Variants in MYH8 observed in about 807,000 individuals in gnomAD.
MYH8 encodes myosin heavy chain 8.
A neutral mutation model predicts 233.2 loss-of-function variants in MYH8; 168 were observed. That is an observed-to-expected ratio of 0.72 (90% CI 0.64 to 0.82). The LOEUF is 0.82. Ranked by LOEUF, MYH8 falls within the 40% of genes least tolerant of loss-of-function variation. The pLI, the probability that MYH8 is intolerant of heterozygous loss-of-function variation, is 0.00. For missense variants in MYH8, 1,995 were observed against 2,327.8 expected, an observed-to-expected ratio of 0.86 and a Z score of 2.94; for synonymous variants, 785 against 850.6, an observed-to-expected ratio of 0.92 and a Z score of 1.34.
chr17:10,402,533 G>A (rs1399736883), intron 22 of MYH8, among the ~76,000 whole-genome samples: 6 of 151,866 alleles, frequency 4.0e-5, no homozygotes, highest in Admixed American at 6.6e-5. Flanking sequence ...ACAATAAATT[G>A]CCATATACCA....
intron 38 of MYH8, 56 bp from the exon 39 acceptor site, chr17:10,392,033 G>A (rs2072030453): frequency 1.4e-6 from 2 of 1,435,226 alleles, no homozygotes; most frequent in Admixed American, 3.3e-5. Flanking sequence ...GGCTACTCTG[G>A]GTACTAAAAT....
At position 10,396,396 on chromosome 17, in the gene MYH8, C is replaced by T; in HGVS notation, c.4587G>A (p.Leu1529=). The change falls in exon 33 of 40, where the codon TTG becomes TTA. Residue 1529 remains leucine, a synonymous_variant. Transcript: ENST00000403437. This position sits in a 1 kb window ranked among gnomAD's most constrained non-coding sequence, Gnocchi z 4.2. The part of the protein sequence containing the change: ...IAEGGKQIHE[L]EKIKKQVEQE... ...GTTCTACTTGCTTCTTTATTTTCTC[C>T]AATTCATGAATTTGCTTTCCTCCCT... 6.2e-7 allele frequency: 1 copy of T among 1,613,998 alleles called. No individual in the cohort carries two copies. Among genetic ancestry groups the T allele is most frequent in the Non-Finnish European group, 8.5e-7 (1 of 1,179,992 alleles).
chr17:10,401,389 C>T lies in MYH8; in HGVS notation c.2994G>A (p.Glu998=), dbSNP rs773455198. 5 of 1,614,032 alleles carry T rather than the reference C, an allele frequency of 3.1e-6. No individual in the cohort carries two copies. The Admixed American group carries it at 5.0e-5, about 16-fold the overall frequency. ...LDETIAKLSK[E]KKALQETHQQ... ...GGTGGGTCTCTTGGAGAGCCTTCTT[C>T]TCCTTGGACAGTTTTGCAATGGTTT... is the stretch of plus-strand genomic sequence containing the variant. Residue 998 remains glutamate (E), a synonymous_variant, in exon 24 of 40, where the codon GAG becomes GAA. Transcript: ENST00000403437.
rs759575082 is a variant in MYH8 at position 10,404,385 on chromosome 17, T to C, written c.2633A>G (p.Glu878Gly). The change falls in exon 22 of 40, where the codon GAA (glutamate) becomes GGA (glycine). Residue 878 changes from glutamate (E) to glycine (G), a missense_variant. Transcript: ENST00000403437. ...CTCTTTTAAGAGAGTGACCATTTTT[T>C]CCTCTAGCTCCTTCCGTTTTGCCTC... ...KSEAKRKELE[E>G]KMVTLLKEKN... 2 of 1,614,036 alleles carry C rather than the reference T, an allele frequency of 1.2e-6. No homozygotes were observed. The highest frequency in any genetic ancestry group is 1.3e-5 in the African/African-American group (1 of 75,006).
rs1474219127 is a variant in MYH8 at position 10,408,461 on chromosome 17, A to G, written c.1965+636T>C. 3.3e-5 allele frequency among the ~76,000 whole-genome samples: 5 copies of G among 152,332 alleles called. No individual in the cohort carries two copies. In the South Asian group the frequency reaches 1.0e-3, roughly 32 times the overall value. On this transcript the variant is annotated intron_variant, in intron 17 of 39. Transcript: ENST00000403437. ...GTCGTGTCTGTATTTTAGTTTTATA[A>G]GGAATGAGACTTAGCCATACACATT...
rs2142190597 is a variant in MYH8 at position 10,417,006 on chromosome 17, G to T, written c.512-1298C>A. ...TTTTCTAATATTAAGTACATAGCTA[G>T]TTAAGGTCAAATATATCCTCCTGGC... On this transcript the variant is annotated intron_variant, in intron 5 of 39. Transcript: ENST00000403437. This position sits in a 1 kb window ranked among gnomAD's most constrained non-coding sequence, Gnocchi z 4.1. Among the ~76,000 whole-genome samples the T allele has an allele frequency of 6.6e-6, 1 of 152,300 alleles. No individual in the cohort carries two copies. The highest frequency in any genetic ancestry group is 1.5e-5 in the Non-Finnish European group (1 of 68,012).
chr17:10,414,090 A>G, intron 11 of MYH8, 50 bp from the exon 12 acceptor site: 1 of 1,612,256 alleles, frequency 6.2e-7, no homozygotes, highest in Non-Finnish European at 8.5e-7. Context: ...AGACTAACTT[A>G]TAAGAGAATT....
At chr17:10,413,758 G>A in intron 12 of MYH8, 144 bp downstream of exon 12, 1 of 1,196,992 alleles carries the variant, frequency 8.4e-7, no homozygotes. Flanking sequence ...AAGAGAGGGG[G>A]TGAGGAAAGC....
At chr17:10,409,070 A>G (rs752442828) in intron 17 of MYH8, 27 bp downstream of exon 17, 8 of 1,596,380 alleles carry the variant, frequency 5.0e-6, no homozygotes, top group Non-Finnish European at 6.9e-6. Context: ...AACTGAGTAG[A>G]TATTTCAAAT....
Position 10,401,382 on chromosome 17 carries a change from C to T in MYH8, c.3001G>A (p.Ala1001Thr). 1 of 1,613,980 alleles carries T rather than the reference C, an allele frequency of 6.2e-7. No individual in the cohort carries two copies. The highest frequency in any genetic ancestry group is 8.5e-7 in the Non-Finnish European group (1 of 1,180,016). ...TIAKLSKEKK[A>T]LQETHQQTLD... ...GTCTGCTGGTGGGTCTCTTGGAGAG[C>T]CTTCTTCTCCTTGGACAGTTTTGCA... Residue 1001 changes from alanine (A) to threonine (T), a missense_variant, in exon 24 of 40, where the codon GCT becomes ACT. Transcript: ENST00000403437.
In MYH8 at chr17:10,409,526, G is replaced by A. The variant is rs61730801; in HGVS notation, c.1650C>T (p.Ser550=). The change falls in exon 16 of 40, where the codon TCC becomes TCT. Residue 550 remains serine, a synonymous_variant. Coordinates refer to ENST00000403437, the MANE Select transcript of MYH8 (RefSeq NM_002472.3). ...ECMFPKATDT[S]FKNKLYDQHL... is the part of the protein sequence containing the mutation. ...GCTGGTCATACAGCTTGTTCTTGAAGGAGGTGTCCGTTGCCTTAGGGAACA... is the reference window on the plus strand; with the variant it reads ...GCTGGTCATACAGCTTGTTCTTGAAAGAGGTGTCCGTTGCCTTAGGGAACA... 5.7e-4 allele frequency: 925 copies of A among 1,614,226 alleles called. 7 individuals carry two copies. In the African/African-American group the frequency reaches 0.011, roughly 19 times the overall value.
intron 39 of MYH8, 72 bp from the exon 40 acceptor site, chr17:10,390,675 G>C: frequency 6.5e-7 from 1 of 1,537,606 alleles, no homozygotes; most frequent in Non-Finnish European, 9.0e-7. Flanking sequence ...GACAGGATTA[G>C]TTCCTCAAAT....
intron 23 of MYH8, 23 bp from the exon 24 acceptor site, chr17:10,401,474 T>C (rs1475677081): frequency 6.2e-7 from 1 of 1,614,170 alleles, no homozygotes; most frequent in South Asian, 1.1e-5. Flanking sequence ...AGAAAGAGAT[T>C]ATTTCTCCTA....
chr17:10,417,209 A>G lies in MYH8; in HGVS notation c.511+1436T>C, dbSNP rs1204963165. ...TGACTGATATGTTGTATTTACATCA[A>G]TTTGCTGATTTGTTAAATCTCTAAT... is the stretch of plus-strand genomic sequence containing the variant. On this transcript the variant is annotated intron_variant, in intron 5 of 39. Coordinates refer to ENST00000403437, the MANE Select transcript of MYH8 (RefSeq NM_002472.3). This position sits in a 1 kb window ranked among gnomAD's most constrained non-coding sequence, Gnocchi z 4.1. Among the ~76,000 whole-genome samples the G allele has an allele frequency of 1.3e-5, 2 of 152,238 alleles. No homozygotes were observed. Among genetic ancestry groups the G allele is most frequent in the Non-Finnish European group, 2.9e-5 (2 of 68,040 alleles).
rs1036405060 is a variant in MYH8 at position 10,392,052 on chromosome 17, T to C, written c.5569-75A>G. The C allele has an allele frequency of 4.0e-6, 5 of 1,265,460 alleles. No individual in the cohort carries two copies. In the Admixed American group the frequency reaches 5.0e-5, roughly 13 times the overall value. 78.4% of individuals were successfully genotyped at this position (1,265,460 alleles called of 1,614,324 possible). ...ACTCTGGGTACTAAAATAAAATCAT[T>C]TGGCATGATGGCAGGTGGGCCTGGG... On this transcript the variant is annotated intron_variant, in intron 38 of 39. Coordinates refer to ENST00000403437, the MANE Select transcript of MYH8 (RefSeq NM_002472.3).
chr17:10,411,099 G>A (rs1462231559), intron 14 of MYH8, 152 bp from the exon 15 acceptor site: 37 of 1,401,530 alleles, frequency 2.6e-5, no homozygotes, highest in Non-Finnish European at 3.1e-5. Context: ...ATCATTGGCC[G>A]GGCACGGTGG....
Position 10,392,580 on chromosome 17 carries a change from G to T in MYH8, c.5530C>A (p.Arg1844=), listed in dbSNP as rs751486450. The T allele has an allele frequency of 1.9e-6, 3 of 1,614,012 alleles. No homozygotes were observed. The highest frequency in any genetic ancestry group is 2.5e-6 in the Non-Finnish European group (3 of 1,180,004). ...TCTTTTACTCGTCGCTCATGTTTCCGTAAACCTTTAACAGCCTCTGCATTA... is the reference window on the plus strand; with the variant it reads ...TCTTTTACTCGTCGCTCATGTTTCCTTAAACCTTTAACAGCCTCTGCATTA... ...KRNAEAVKGL[R]KHERRVKELT... is the part of the protein sequence containing the mutation. The change falls in exon 38 of 40, where the codon CGG becomes AGG. Residue 1844 remains arginine (R), a synonymous_variant. Transcript: ENST00000403437.
chr17:10,395,150 T>C lies in MYH8; in HGVS notation c.4945A>G (p.Thr1649Ala). 1 of 1,613,478 alleles carries C rather than the reference T, an allele frequency of 6.2e-7. No homozygotes were observed. The highest frequency in any genetic ancestry group is 8.5e-7 in the Non-Finnish European group (1 of 1,179,992). ...CCGTTTACCTTCAGGATTCCTTGGG[T>C]GTTCCTGTAGTTCCTTAAACTCTCT... Reference protein sequence around the residue: ...AAESLRNYRNTQGILKETQLH... With the variant: ...AAESLRNYRNAQGILKETQLH... Residue 1649 changes from threonine to alanine, a missense_variant, in exon 34 of 40, where the codon ACC (threonine) becomes GCC (alanine). Physicochemically the swap from Thr to Ala is moderately conservative, Grantham distance 58. Transcript: ENST00000403437.
chr17:10,397,234 G>A (rs1215177972), intron 30 of MYH8, among the ~76,000 whole-genome samples: 4 of 152,072 alleles, frequency 2.6e-5, no homozygotes, highest in African/African-American at 7.2e-5. Flanking sequence ...GCACCACCAT[G>A]CCCAGCTAAT....
Sources: gnomAD v4.1 joint callset for allele counts (sites outside exome capture counted in the v4.1 genomes callset) on GRCh38, gnomAD v4.1.1 for gene constraint, Gnocchi (gnomAD v3.1) non-coding constraint, MANE v1.5 for transcripts, NCBI Gene and HGNC (gene_info 2026-07-23, HGNC 2026-07-21) for gene names.